Variants in CUX1 observed in about 807,000 individuals in gnomAD.
The protein encoded by CUX1 is protein CASP.
A neutral mutation model predicts 158.8 loss-of-function variants in CUX1; 31 were observed. The ratio of observed to expected loss-of-function variants is 0.20; its 90% CI spans 0.15 to 0.26. CUX1 has a LOEUF of 0.26. CUX1 is among the 10% of genes least tolerant of loss of function. CUX1 has a pLI of 1.00. For synonymous variants in CUX1, 879 were observed against 862.1 expected (o/e 1.02, Z -0.34); for missense variants, 1,589 against 2,014.6 (o/e 0.79, Z 4.04).
At chr7:102,193,184 G>A (rs536884514) in intron 12 of CUX1, among the ~76,000 whole-genome samples, 3 of 152,342 alleles carry the variant, frequency 2.0e-5, no homozygotes, top group East Asian at 3.9e-4. Context: ...GGCAGTGGCC[G>A]CCCTGGTGGG....
At chr7:101,818,758 TC>T (rs770906088) in intron 1 of CUX1, among the ~76,000 whole-genome samples, 15 of 152,246 alleles carry the variant, frequency 9.9e-5, no homozygotes, top group Non-Finnish European at 1.9e-4. Context: ...CCAATCTGGT[TC>T]TTTCTCTGGG....
chr7:101,894,437 A>T (rs576963680), intron 1 of CUX1, among the ~76,000 whole-genome samples: 1 of 152,180 alleles, frequency 6.6e-6, no homozygotes, highest in East Asian at 1.9e-4. Flanking sequence ...CAGCCTCCCA[A>T]GACGCTGGGA....
intron 18 of CUX1, 58 bp from the exon 19 acceptor site, chr7:102,204,333 C>G: frequency 6.3e-7 from 1 of 1,593,346 alleles, no homozygotes; most frequent in Non-Finnish European, 8.6e-7. Context: ...GCAGCAGCAT[C>G]TGTGGTGTCA....
At chr7:101,995,436 A>G (rs1239328737) in intron 2 of CUX1, among the ~76,000 whole-genome samples, 2 of 152,250 alleles carry the variant, frequency 1.3e-5, no homozygotes, top group Non-Finnish European at 2.9e-5. Context: ...CTCACCCTGC[A>G]TGGCTTAAAT....
chr7:101,919,591 C>T (rs996352296), intron 2 of CUX1, among the ~76,000 whole-genome samples: 2 of 152,160 alleles, frequency 1.3e-5, no homozygotes, highest in Admixed American at 1.3e-4. Context: ...GCTGGTGTGA[C>T]ACCAAGGGTG....
chr7:102,261,040 C>T (rs191074928), downstream of CUX1, among the ~76,000 whole-genome samples: 1 of 152,356 alleles, frequency 6.6e-6, no homozygotes, highest in East Asian at 1.9e-4. Context: ...GTGATGTTGC[C>T]CAGGCTCCCG....
At chr7:102,097,825 G>A (rs1829359083) in intron 5 of CUX1, among the ~76,000 whole-genome samples, 1 of 152,214 alleles carries the variant, frequency 6.6e-6, no homozygotes, top group South Asian at 2.1e-4. Flanking sequence ...GCCTCCAGGC[G>A]ACACCTGTCA....
In CUX1 at chr7:102,218,433, C is replaced by G. The variant is rs113488321; in HGVS notation, c.3131-8934C>G. 2.8e-3 allele frequency among the ~76,000 whole-genome samples: 419 copies of G among 152,340 alleles called. 4 individuals carry two copies. The highest frequency in any genetic ancestry group is 9.6e-3 in the African/African-American group (400 of 41,576). On this transcript the variant is annotated intron_variant, in intron 20 of 23. Coordinates refer to ENST00000292535, the MANE Select transcript of CUX1 (RefSeq NM_181552.4). ...ATATGGTGGCTCATGCCTGTAATCC[C>G]AGCACTTTGGGAGGCCGAGGCAGGA...
chr7:102,107,474 AG>A (rs1554488818), intron 6 of CUX1, among the ~76,000 whole-genome samples: 1 of 151,864 alleles, frequency 6.6e-6, no homozygotes, highest in Non-Finnish European at 1.5e-5. Context: ...CAGGAAGCAA[AG>A]GTTTGCAGTA....
At chr7:102,021,375 C>G (rs1819319961) in intron 2 of CUX1, among the ~76,000 whole-genome samples, 1 of 152,150 alleles carries the variant, frequency 6.6e-6, no homozygotes, top group African/African-American at 2.4e-5. Flanking sequence ...GTGGCACAGT[C>G]ATAGCTCACT....
At chr7:101,891,057 A>G (rs1008351741) in intron 1 of CUX1, among the ~76,000 whole-genome samples, 5 of 152,066 alleles carry the variant, frequency 3.3e-5, no homozygotes, top group Non-Finnish European at 5.9e-5. Flanking sequence ...CTATGGCAGT[A>G]TCTTTTAGAG....
intron 8 of CUX1, among the ~76,000 whole-genome samples, chr7:102,148,538 G>A (rs940317341): frequency 6.6e-6 from 1 of 151,582 alleles, no homozygotes; most frequent in African/African-American, 2.4e-5. Flanking sequence ...CCAAGACTCC[G>A]TATCAAAAAC....
chr7:101,989,381 G>T (rs1270065396), intron 2 of CUX1, among the ~76,000 whole-genome samples: 2 of 152,246 alleles, frequency 1.3e-5, no homozygotes, highest in African/African-American at 4.8e-5. Context: ...GCACTGGCCA[G>T]CCGTGATTTC....
chr7:102,105,054 G>C (rs1227429298), intron 6 of CUX1, among the ~76,000 whole-genome samples: 1 of 152,148 alleles, frequency 6.6e-6, no homozygotes, highest in Admixed American at 6.5e-5. Flanking sequence ...GCGGCACCTG[G>C]CAGCTGGACC....
intron 8 of CUX1, among the ~76,000 whole-genome samples, chr7:102,119,495 G>A (rs782498350): frequency 2.0e-5 from 3 of 152,192 alleles, no homozygotes; most frequent in Admixed American, 1.3e-4. Flanking sequence ...GATGAATACA[G>A]CTGGTCTTTG....
At chr7:101,866,757 A>G (rs1306696471) in intron 1 of CUX1, among the ~76,000 whole-genome samples, 1 of 152,244 alleles carries the variant, frequency 6.6e-6, no homozygotes, top group African/African-American at 2.4e-5. Context: ...GAGAATTTCA[A>G]TCCTGAGTCA....
At chr7:101,818,909 C>T (rs2130879718) in intron 1 of CUX1, 1 of 152,294 alleles carries the variant, frequency 6.6e-6, no homozygotes, top group East Asian at 1.9e-4. Flanking sequence ...GATTGGGTTG[C>T]CACCTGGGGG....
At chr7:101,937,792 C>T (rs1380490974) in intron 2 of CUX1, among the ~76,000 whole-genome samples, 2 of 152,100 alleles carry the variant, frequency 1.3e-5, no homozygotes, top group Non-Finnish European at 2.9e-5. Flanking sequence ...GGATTACAGG[C>T]GAGAGCCACC....
In CUX1 at chr7:102,016,305, A is replaced by G. The variant is rs543427557; in HGVS notation, c.142-11793A>G. On this transcript the variant is annotated intron_variant, in intron 2 of 23. Coordinates refer to ENST00000292535, the MANE Select transcript of CUX1 (RefSeq NM_181552.4). The stretch of plus-strand genomic sequence containing the variant: ...TGCCCTTCTGCAGCACCGGCCACAG[A>G]TAAGTGTCATCCATGCTGGTGGTGA... 4.6e-5 allele frequency among the ~76,000 whole-genome samples: 7 copies of G among 152,310 alleles called. No homozygotes were observed. The South Asian group carries it at 1.2e-3, about 27-fold the overall frequency.
Sources: gnomAD v4.1 joint callset for allele counts (sites outside exome capture counted in the v4.1 genomes callset) on GRCh38, gnomAD v4.1.1 for gene constraint, MANE v1.5 for transcripts, NCBI Gene and HGNC (gene_info 2026-07-23, HGNC 2026-07-21) for gene names.